The following SLC25A48 variants were observed in gnomAD, a reference collection of about 807,000 sequenced individuals.
The protein encoded by SLC25A48 is CTC-321K16.1.
A neutral mutation model predicts 32.2 loss-of-function variants in SLC25A48; 29 were observed. That is an observed-to-expected ratio of 0.90 (90% confidence interval 0.67 to 1.23). SLC25A48 has a LOEUF of 1.23. Ranked by LOEUF, SLC25A48 falls within the 50% of genes most tolerant of loss-of-function variation. The pLI, the probability that SLC25A48 is intolerant of heterozygous loss-of-function variation, is 0.00. For synonymous variants in SLC25A48, 164 were observed against 172.3 expected, an observed-to-expected ratio of 0.95 and a Z score of 0.38; for missense variants, 399 against 422.7, an observed-to-expected ratio of 0.94 and a Z score of 0.49.
intron 3 of SLC25A48, among the ~76,000 whole-genome samples, chr5:135,796,809 C>T (rs1757192781): frequency 6.6e-6 from 1 of 151,546 alleles, no homozygotes; most frequent in Non-Finnish European, 1.5e-5. Context: ...TGATATTACT[C>T]CTAATATTGC....
At chr5:135,744,904 A>G (rs971074034) in intron 3 of SLC25A48, among the ~76,000 whole-genome samples, 1 of 151,890 alleles carries the variant, frequency 6.6e-6, no homozygotes, top group Non-Finnish European at 1.5e-5. Context: ...TAGCCAGGAG[A>G]GGTGGCGGGC....
intron 1 of SLC25A48, among the ~76,000 whole-genome samples, chr5:135,592,241 C>T (rs900939745): frequency 2.6e-5 from 4 of 152,202 alleles, no homozygotes; most frequent in African/African-American, 9.7e-5. Flanking sequence ...AGCTGATGTG[C>T]CACACACCTA....
intron 1 of SLC25A48, among the ~76,000 whole-genome samples, chr5:135,580,517 C>T (rs1247146904): frequency 6.6e-6 from 1 of 152,150 alleles, no homozygotes; most frequent in African/African-American, 2.4e-5. Context: ...CTGGAGAGCC[C>T]TTGCTGCTTC....
At position 135,723,380 on chromosome 5, in the gene SLC25A48, T is replaced by TCACACACACACACACACACACACACA. The variant is rs138387748; in HGVS notation, c.-521+88433_-521+88458dup. On this transcript the variant is annotated intron_variant, in intron 3 of 10. Transcript: ENST00000646290. ...GTCTCTCACTCTCTCTCTCTCTCTC[T>TCACACACACACACACACACACACACA]CACACACACACACACACACACACAC... Among the ~76,000 whole-genome samples, 50 of 111,760 alleles carry TCACACACACACACACACACACACACA rather than the reference T, an allele frequency of 4.5e-4. 1 individual carries two copies. Among genetic ancestry groups the TCACACACACACACACACACACACACA allele is most frequent in the Admixed American group, 6.5e-4 (7 of 10,734 alleles). The allele number at this position is 111,760 out of a possible 152,430, so 73.3% of individuals were successfully genotyped here.
Position 135,728,521 on chromosome 5 carries a change from C to T in SLC25A48, c.-520-84002C>T, listed in dbSNP as rs558547818. On this transcript the variant is annotated intron_variant, in intron 3 of 10. Transcript: ENST00000646290. ...TACAGCATCATTTATATGGCTAATCCCTCACTGTTGCATACTTAAGGGTGT... is the reference window on the plus strand; with the variant it reads ...TACAGCATCATTTATATGGCTAATCTCTCACTGTTGCATACTTAAGGGTGT... Among the ~76,000 whole-genome samples, 3 of 152,084 alleles carry T rather than the reference C, an allele frequency of 2.0e-5. No individual in the cohort carries two copies. The East Asian group carries it at 5.8e-4, about 29-fold the overall frequency.
intron 3 of SLC25A48, among the ~76,000 whole-genome samples, chr5:135,657,229 G>T (rs75652609): frequency 0.012 from 1,889 of 152,310 alleles, 40 homozygotes; most frequent in African/African-American, 0.044. Context: ...CATAGCAGGA[G>T]ACCAGGGCCA....
intron 3 of SLC25A48, among the ~76,000 whole-genome samples, chr5:135,770,569 G>T (rs558456209): frequency 4.6e-4 from 70 of 151,694 alleles, no homozygotes; most frequent in African/African-American, 1.6e-3. Context: ...CCCCAATATG[G>T]CAGGGGATGT....
At chr5:135,842,288 C>A in intron 1 of SLC25A48, 128 bp from the exon 2 acceptor site, 1 of 902,020 alleles carries the variant, frequency 1.1e-6, no homozygotes, top group Admixed American at 1.8e-5. Flanking sequence ...CACATTGGAG[C>A]CCACCCACTC....
At chr5:135,686,949 T>G (rs1182140626) in intron 3 of SLC25A48, among the ~76,000 whole-genome samples, 1 of 151,948 alleles carries the variant, frequency 6.6e-6, no homozygotes, top group African/African-American at 2.4e-5. Context: ...AAGGGTTGTT[T>G]TTTTTTTTTC....
At chr5:135,784,988 G>GGAC (rs1756798967) in intron 3 of SLC25A48, among the ~76,000 whole-genome samples, 1 of 58,442 alleles carries the variant, frequency 1.7e-5, no homozygotes, top group Non-Finnish European at 6.4e-5. Context: ...AACAGTAGTT[G>GGAC]TATACAAATA....
chr5:135,803,731 A>G (rs1351920049), intron 3 of SLC25A48, among the ~76,000 whole-genome samples: 2 of 151,520 alleles, frequency 1.3e-5, no homozygotes, highest in Non-Finnish European at 3.0e-5. Flanking sequence ...CAAAGGGTGT[A>G]CAGGCACTGT....
chr5:135,803,068 A>G lies in SLC25A48; in HGVS notation c.-520-9455A>G, dbSNP rs111916540. ...CTTAATATCACAGTGGGTATATACA[A>G]TGTTATATAATTAGTAATATCCTAT... is the stretch of plus-strand genomic sequence containing the variant. On this transcript the variant is annotated intron_variant, in intron 3 of 10. Coordinates refer to the SLC25A48 transcript ENST00000646290. 1.3e-3 allele frequency: 199 copies of G among 151,478 alleles called. 1 individual carries two copies. Among genetic ancestry groups the G allele is most frequent in the African/African-American group, 4.5e-3 (188 of 41,398 alleles). 9.4% of individuals were successfully genotyped at this position (151,478 alleles called of 1,614,324 possible). A position where few individuals can be genotyped will look rare whatever the true frequency, so the allele number is the denominator to read the frequency against.
At chr5:135,660,127 G>A (rs1397438397) in intron 3 of SLC25A48, among the ~76,000 whole-genome samples, 1 of 152,186 alleles carries the variant, frequency 6.6e-6, no homozygotes, top group East Asian at 1.9e-4. Context: ...GGAATTTTCA[G>A]CTGTGGAGGC....
chr5:135,874,217 G>A lies in SLC25A48; in HGVS notation c.813+63G>A, dbSNP rs113181967. 122 of 1,395,988 alleles carry A rather than the reference G, an allele frequency of 8.7e-5. No individual in the cohort carries two copies. The African/African-American group carries it at 1.7e-3, about 19-fold the overall frequency. The allele number at this position is 1,395,988 out of a possible 1,614,324, so 86.5% of individuals were successfully genotyped here. On this transcript the variant is annotated intron_variant, in intron 6 of 7. Coordinates refer to ENST00000681962, the MANE Select transcript of SLC25A48 (RefSeq NM_001349336.2). The stretch of plus-strand genomic sequence containing the variant: ...CCTGGAAGGTGGTTCACACATTTAG[G>A]GGGATGTGGGACTATAGAGAAGGGA...
intron 3 of SLC25A48, among the ~76,000 whole-genome samples, chr5:135,776,270 GGGT>G (rs757626031): frequency 0.03 from 4,291 of 141,992 alleles, 284 homozygotes; most frequent in African/African-American, 0.094. Flanking sequence ...CATATCTGGG[GGGT>G]GGGGGGCAGA....
chr5:135,786,907 G>A (rs1246632195), intron 3 of SLC25A48, among the ~76,000 whole-genome samples: 1 of 151,992 alleles, frequency 6.6e-6, no homozygotes, highest in African/African-American at 2.4e-5. Flanking sequence ...TGTACACCAT[G>A]TGTGTACATC....
At chr5:135,723,267 C>T (rs1755004607) in intron 3 of SLC25A48, among the ~76,000 whole-genome samples, 1 of 152,156 alleles carries the variant, frequency 6.6e-6, no homozygotes, top group South Asian at 2.1e-4. Context: ...AATCAATTCA[C>T]TATTCTTTCA....
intron 7 of SLC25A48, 148 bp downstream of exon 7, chr5:135,880,245 C>T (rs10076007): frequency 0.02 from 24,196 of 1,184,894 alleles, 490 homozygotes; most frequent in African/African-American, 0.087. Flanking sequence ...CCACCCTTTT[C>T]GTCACCAAAC....
At chr5:135,613,242 C>A (rs951077293) in intron 1 of SLC25A48, among the ~76,000 whole-genome samples, 1 of 152,146 alleles carries the variant, frequency 6.6e-6, no homozygotes, top group East Asian at 1.9e-4. Flanking sequence ...TATTTAAGTC[C>A]TTTGCCCACT....
Sources: gnomAD v4.1 joint callset for allele counts (sites outside exome capture counted in the v4.1 genomes callset) on GRCh38, gnomAD v4.1.1 for gene constraint, MANE v1.5 for transcripts, NCBI Gene and HGNC (gene_info 2026-07-23, HGNC 2026-07-21) for gene names.